The following C20orf173 variants were observed in gnomAD, a reference collection of about 807,000 sequenced individuals.
C20orf173 encodes uncharacterized protein C20orf173.
A neutral mutation model predicts 26.7 loss-of-function variants in C20orf173; 22 were observed. That is an observed-to-expected ratio of 0.82 (90% CI 0.59 to 1.18). C20orf173 has a LOEUF of 1.18. Among genes scored for constraint, C20orf173 ranks in the 50% most tolerant of loss-of-function variants. The probability of loss-of-function intolerance (pLI) is 0.00; values close to 1 mark genes in which losing one functional copy is unlikely to be tolerated. For missense variants in C20orf173, 210 were observed against 250.3 expected, an observed-to-expected ratio of 0.84 and a Z score of 1.09; for synonymous variants, 85 against 96.4, an observed-to-expected ratio of 0.88 and a Z score of 0.69.
downstream of C20orf173, among the ~76,000 whole-genome samples, chr20:35,525,986 T>C (rs928577838): frequency 2.0e-5 from 3 of 152,246 alleles, no homozygotes; most frequent in East Asian, 5.8e-4. Context: ...TTTTTATTCT[T>C]TGTTAACTGT....
downstream of C20orf173, among the ~76,000 whole-genome samples, chr20:35,526,386 G>A (rs2064502185): frequency 6.6e-6 from 1 of 152,198 alleles, no homozygotes; most frequent in Non-Finnish European, 1.5e-5. Flanking sequence ...AGCACTTTGG[G>A]AGGCCAAGGC....
At chr20:35,523,658 C>T (rs1285475513), downstream of C20orf173, among the ~76,000 whole-genome samples, 1 of 152,226 alleles carries the variant, frequency 6.6e-6, no homozygotes, top group Non-Finnish European at 1.5e-5. Context: ...ACAGAGGCCA[C>T]GTTGTGACCT....
In C20orf173 at chr20:35,528,702, T is replaced by C; in HGVS notation, c.487A>G (p.Arg163Gly). Residue 163 changes from arginine (R) to glycine (G), a missense_variant and splice_region_variant, in exon 3 of 6, where the codon AGG (arginine) becomes GGG (glycine). Physicochemically the swap from Arg to Gly is moderately radical, Grantham distance 125. Coordinates refer to ENST00000444723, the MANE Select transcript of C20orf173 (RefSeq NM_001145350.2). Reference sequence around the variant, plus strand: ...TCCCGCCCTCTCCCCAGCACCCACCTGAAAACCACGGGGTATTGGTCGATG... The same window carrying C: ...TCCCGCCCTCTCCCCAGCACCCACCCGAAAACCACGGGGTATTGGTCGATG... ...NDIDQYPVVFRNASDQGSWMQ... is the reference protein window; with the variant it reads ...NDIDQYPVVFGNASDQGSWMQ... The C allele has an allele frequency of 6.5e-7, 1 of 1,529,340 alleles. No homozygotes were observed. The allele number at this position is 1,529,340 out of a possible 1,614,324, so 94.7% of individuals were successfully genotyped here. A position where few individuals can be genotyped will look rare whatever the true frequency, so the allele number is the denominator to read the frequency against.
At chr20:35,524,195 A>G (rs1029597384), downstream of C20orf173, among the ~76,000 whole-genome samples, 17 of 150,682 alleles carry the variant, frequency 1.1e-4, no homozygotes, top group Non-Finnish European at 2.2e-4. Context: ...TTTTTTTTTT[A>G]CTTTTAGCAG....
intron 5 of C20orf173, among the ~76,000 whole-genome samples, chr20:35,527,943 C>T (rs224403): frequency 1 from 151,663 of 152,326 alleles, 75,507 homozygotes; most frequent in Middle Eastern, 1. Context: ...TGAGCCACCA[C>T]GCTTGGCCTA....
chr20:35,529,612 C>T lies in C20orf173; in HGVS notation c.-105G>A, dbSNP rs1488856077. ...GGTGGAAGAGGCCAGGGCAGAGAGA[C>T]AGCATGTGGCTAGTCCTGAGAGGGG... On this transcript the variant is annotated 5_prime_UTR_variant, in exon 1 of 6. Transcript: ENST00000444723. 3 of 549,020 alleles carry T rather than the reference C, an allele frequency of 5.5e-6. No homozygotes were observed. Among genetic ancestry groups the T allele is most frequent in the African/African-American group, 1.9e-5 (1 of 53,066 alleles). 34.0% of individuals were successfully genotyped at this position (549,020 alleles called of 1,614,324 possible). A position where few individuals can be genotyped will look rare whatever the true frequency, so the allele number is the denominator to read the frequency against.
At chr20:35,524,692 C>A (rs1222354877), downstream of C20orf173, among the ~76,000 whole-genome samples, 1 of 148,444 alleles carries the variant, frequency 6.7e-6, no homozygotes, top group African/African-American at 2.5e-5. Context: ...TTTTTTTGTT[C>A]ATGATAATTT....
At chr20:35,526,719 G>A (rs1365937774), downstream of C20orf173, among the ~76,000 whole-genome samples, 2 of 151,522 alleles carry the variant, frequency 1.3e-5, no homozygotes, top group African/African-American at 4.9e-5. Context: ...TGAAAAGCTG[G>A]GCAAAAAAAC....
Position 35,528,555 on chromosome 20 carries a change from T to G in C20orf173, c.489-11A>C, listed in dbSNP as rs903319005. On this transcript the variant is annotated splice_polypyrimidine_tract_variant and intron_variant, in intron 3 of 5. Transcript: ENST00000444723. The stretch of plus-strand genomic sequence containing the variant: ...TGGTCGCTGGCATTCCTGGGATAGA[T>G]GAAGCATTGTGTGTGGTTTGGTTCC... 1.2e-5 allele frequency: 18 copies of G among 1,551,396 alleles called. No individual in the cohort carries two copies. Among genetic ancestry groups the G allele is most frequent in the Non-Finnish European group, 1.5e-5 (17 of 1,146,918 alleles).
In C20orf173 at chr20:35,528,098, AGGGATGAC is replaced by A. The variant is rs2064516365; in HGVS notation, c.*25+127_*25+134del. 2.6e-5 allele frequency: 19 copies of A among 726,982 alleles called. No individual in the cohort carries two copies. In the East Asian group the frequency reaches 5.1e-4, roughly 20 times the overall value. 45.0% of individuals were successfully genotyped at this position (726,982 alleles called of 1,614,324 possible). On this transcript the variant is annotated intron_variant, in intron 5 of 5. Transcript: ENST00000444723. ...GACACAGAACAAAGCCTTGGGCCCCAGGGATGACCCTGACCCTGGTAAGACAGCCAGTT... is the reference window on the plus strand; with the variant it reads ...GACACAGAACAAAGCCTTGGGCCCCACCTGACCCTGGTAAGACAGCCAGTT...
chr20:35,527,208 A>AAC lies in C20orf173; in HGVS notation c.*66_*67dup, dbSNP rs1384536079. On this transcript the variant is annotated 3_prime_UTR_variant, in exon 6 of 6. Coordinates refer to ENST00000444723, the MANE Select transcript of C20orf173 (RefSeq NM_001145350.2). ...TGATTATCCTCCTTCCAGTGATAGA[A>AAC]ACACTTTCCTTGCTATTCTGATCCA... 1.3e-5 allele frequency: 2 copies of AAC among 152,236 alleles called. No individual in the cohort carries two copies. The highest frequency in any genetic ancestry group is 3.9e-4 in the East Asian group (2 of 5,188). The allele number at this position is 152,236 out of a possible 1,614,324, so 9.4% of individuals were successfully genotyped here. A position where few individuals can be genotyped will look rare whatever the true frequency, so the allele number is the denominator to read the frequency against.
intron 1 of C20orf173, 55 bp from the exon 2 acceptor site, chr20:35,529,479 C>T (rs966112498): frequency 2.2e-5 from 24 of 1,090,712 alleles, no homozygotes; most frequent in Admixed American, 1.6e-4. Flanking sequence ...TCTGTCCTGT[C>T]GGCCTCCACA....
At chr20:35,525,335 T>C (rs779720448), downstream of C20orf173, among the ~76,000 whole-genome samples, 5 of 152,066 alleles carry the variant, frequency 3.3e-5, no homozygotes, top group Admixed American at 6.6e-5. Flanking sequence ...GCAGGTCACT[T>C]GAGGCCAGGA....
intron 5 of C20orf173, 115 bp downstream of exon 5, chr20:35,528,118 T>C (rs1000056503): frequency 2.3e-6 from 2 of 858,980 alleles, no homozygotes; most frequent in African/African-American, 1.7e-5. Flanking sequence ...CTGACCCTGG[T>C]AAGACAGCCA....
chr20:35,527,640 G>A (rs1366033354), intron 5 of C20orf173, among the ~76,000 whole-genome samples: 2 of 150,114 alleles, frequency 1.3e-5, no homozygotes, highest in Admixed American at 1.3e-4. Context: ...TTTTTTCTGA[G>A]ATGGAGTCTC....
rs1049461156 is a variant in C20orf173, at chr20:35,529,049, A to G, written c.309+16T>C. The G allele has an allele frequency of 6.5e-7, 1 of 1,546,092 alleles. No homozygotes were observed. The highest frequency in any genetic ancestry group is 8.8e-7 in the Non-Finnish European group (1 of 1,142,444). On this transcript the variant is annotated intron_variant, in intron 2 of 5. Coordinates refer to ENST00000444723, the MANE Select transcript of C20orf173 (RefSeq NM_001145350.2). Reference sequence around the variant, plus strand: ...AAGCATGGGGGATATGGCCGGGCCCAGTGTTGACCACTGACCAACCACCAG... The same window carrying G: ...AAGCATGGGGGATATGGCCGGGCCCGGTGTTGACCACTGACCAACCACCAG...
Position 35,529,124 on chromosome 20 carries a change from T to C in C20orf173, c.250A>G (p.Met84Val), listed in dbSNP as rs2147290554. The C allele has an allele frequency of 3.9e-6, 6 of 1,551,632 alleles. No homozygotes were observed. The highest frequency in any genetic ancestry group is 5.2e-6 in the Non-Finnish European group (6 of 1,146,968). Residue 84 changes from methionine to valine, a missense_variant, in exon 2 of 6, where the codon ATG becomes GTG. Physicochemically the swap from Met to Val is conservative, Grantham distance 21 (BLOSUM62 1). Transcript: ENST00000444723. Reference sequence around the variant, plus strand: ...TCTCTTGTCCTCATCAGGTACCCCATAGTCTTCCTGGAGCACGCATCAAGC... The same window carrying C: ...TCTCTTGTCCTCATCAGGTACCCCACAGTCTTCCTGGAGCACGCATCAAGC... ...NWLDACSRKT[M>V]GYLMRTRESM...
At position 35,529,612 on chromosome 20, in the gene C20orf173, C is replaced by G. The variant is rs1488856077; in HGVS notation, c.-105G>C. 1.8e-6 allele frequency: 1 copy of G among 549,138 alleles called. No individual in the cohort carries two copies. Among genetic ancestry groups the G allele is most frequent in the Non-Finnish European group, 3.3e-6 (1 of 306,682 alleles). 34.0% of individuals were successfully genotyped at this position (549,138 alleles called of 1,614,324 possible). On this transcript the variant is annotated 5_prime_UTR_variant, in exon 1 of 6. Coordinates refer to ENST00000444723, the MANE Select transcript of C20orf173 (RefSeq NM_001145350.2). ...GGTGGAAGAGGCCAGGGCAGAGAGA[C>G]AGCATGTGGCTAGTCCTGAGAGGGG...
downstream of C20orf173, among the ~76,000 whole-genome samples, chr20:35,526,247 C>G (rs1000665507): frequency 6.6e-6 from 1 of 152,162 alleles, no homozygotes; most frequent in Non-Finnish European, 1.5e-5. Context: ...TCAGCTCTTT[C>G]CATTAGGAAG....
Sources: allele counts gnomAD v4.1 joint callset (sites outside exome capture counted in the v4.1 genomes callset), GRCh38; gene constraint gnomAD v4.1.1; transcripts MANE v1.5; gene names NCBI Gene and HGNC (gene_info 2026-07-23, HGNC 2026-07-21).